NAGA: variants seen among roughly 807,000 people sequenced by gnomAD.
NAGA encodes the protein alpha-N-acetylgalactosaminidase.
NAGA carries 42 observed loss-of-function variants against 45.6 expected under a neutral mutation model. The ratio of observed to expected loss-of-function variants is 0.92; its 90% CI spans 0.72 to 1.19. The LOEUF is 1.19. Among genes scored for constraint, NAGA ranks in the 50% most tolerant of loss-of-function variants. NAGA has a pLI of 0.00. For synonymous variants in NAGA, 176 were observed against 203.1 expected (o/e 0.87, Z 1.13); for missense variants, 493 against 544.8 (o/e 0.90, Z 0.95).
At position 42,060,188 on chromosome 22, in the gene NAGA, G is replaced by A; in HGVS notation, c.*91C>T. On this transcript the variant is annotated 3_prime_UTR_variant, in exon 9 of 9. Transcript: ENST00000396398. ...GTCAGTCACCGAGCAGGCCTGGGGA[G>A]CAGAGAACCTCCCCACTTGCCCTGG... 1 of 1,546,036 alleles carries A rather than the reference G, an allele frequency of 6.5e-7. No individual in the cohort carries two copies. The highest frequency in any genetic ancestry group is 1.1e-5 in the South Asian group (1 of 89,212).
chr22:42,060,042 C>G lies in NAGA; in HGVS notation c.*237G>C. 1.8e-6 allele frequency: 1 copy of G among 545,206 alleles called. No individual in the cohort carries two copies. Among genetic ancestry groups the G allele is most frequent in the Admixed American group, 3.0e-5 (1 of 33,712 alleles). 33.8% of individuals were successfully genotyped at this position (545,206 alleles called of 1,614,324 possible). A position where few individuals can be genotyped will look rare whatever the true frequency, so the allele number is the denominator to read the frequency against. ...GCTCAGCAACGTCTGTGGGGCTGCG[C>G]ACATGGAAGTAGAGGCCAGGAAGGC... is the stretch of plus-strand genomic sequence containing the variant. On this transcript the variant is annotated 3_prime_UTR_variant, in exon 9 of 9. Coordinates refer to ENST00000396398, the MANE Select transcript of NAGA (RefSeq NM_000262.3).
chr22:42,066,910 G>A (rs1271788032), intron 4 of NAGA, 106 bp from the exon 5 acceptor site: 2 of 1,391,578 alleles, frequency 1.4e-6, no homozygotes, highest in African/African-American at 1.4e-5. Context: ...GCTCCAAACA[G>A]TAGGTGCCTC....
At chr22:42,064,226 G>T (rs1374247468) in intron 6 of NAGA, among the ~76,000 whole-genome samples, 3 of 151,686 alleles carry the variant, frequency 2.0e-5, no homozygotes, top group African/African-American at 7.3e-5. Context: ...TGTAATCCCA[G>T]CTACTTGGGA....
chr22:42,070,030 C>T (rs1304431013), intron 1 of NAGA, among the ~76,000 whole-genome samples: 3 of 152,232 alleles, frequency 2.0e-5, no homozygotes, highest in African/African-American at 7.2e-5. Context: ...ACTGTACAGG[C>T]GGTTCTCCGC....
Position 42,070,685 on chromosome 22 carries a change from C to G in NAGA, c.-388G>C, listed in dbSNP as rs1034496439. The G allele has an allele frequency of 2.9e-6, 1 of 345,078 alleles. No homozygotes were observed. The highest frequency in any genetic ancestry group is 2.1e-5 in the African/African-American group (1 of 47,544). The allele number at this position is 345,078 out of a possible 1,614,324, so 21.4% of individuals were successfully genotyped here. On this transcript the variant is annotated 5_prime_UTR_variant, in exon 1 of 9. Coordinates refer to ENST00000396398, the MANE Select transcript of NAGA (RefSeq NM_000262.3). ...GAGGGGCGGGGCTGCGGCCAGGCTC[C>G]GGACTTCCAGCCGGGTCCGGGTTCC...
At position 42,068,512 on chromosome 22, in the gene NAGA, G is replaced by C; in HGVS notation, c.79C>G (p.Pro27Ala). 1 of 1,614,178 alleles carries C rather than the reference G, an allele frequency of 6.2e-7. No homozygotes were observed. Among genetic ancestry groups the C allele is most frequent in the Non-Finnish European group, 8.5e-7 (1 of 1,180,032 alleles). ...CGTTCCCAGGCCAGCCAGCCCATGG[G>C]TGGTGTCTGCAGGAGCCCATTGTCC... ...MLDNGLLQTP[P>A]MGWLAWERFR... Residue 27 changes from proline to alanine, a missense_variant, in exon 2 of 9, where the codon CCC becomes GCC. Physicochemically the swap from Pro to Ala is conservative, Grantham distance 27. Coordinates refer to ENST00000396398, the MANE Select transcript of NAGA (RefSeq NM_000262.3).
intron 1 of NAGA, among the ~76,000 whole-genome samples, chr22:42,069,241 T>TA (rs1320378188): frequency 2.0e-5 from 3 of 151,676 alleles, no homozygotes; most frequent in East Asian, 3.9e-4. Flanking sequence ...CCCAAAATAA[T>TA]AAAAAAGAAA....
intron 3 of NAGA, 40 bp downstream of exon 3, chr22:42,067,725 C>T: frequency 6.3e-7 from 1 of 1,588,350 alleles, no homozygotes; most frequent in Non-Finnish European, 8.6e-7. Context: ...AAGGAGTGGT[C>T]TAGCCCTGAG....
At chr22:42,070,172 AAGAG>A in intron 1 of NAGA, 106 bp downstream of exon 1, 3 of 1,263,552 alleles carry the variant, frequency 2.4e-6, no homozygotes, top group Non-Finnish European at 3.5e-6. Flanking sequence ...CTCTAAGTAA[AAGAG>A]AGAGGAACCT....
At chr22:42,068,232 G>A (rs1045225034) in intron 2 of NAGA, among the ~76,000 whole-genome samples, 3 of 152,274 alleles carry the variant, frequency 2.0e-5, no homozygotes, top group South Asian at 2.1e-4. Context: ...TCCCTGCCTC[G>A]TGACCAGGTT....
At chr22:42,061,327 C>T (rs1451707231) in intron 7 of NAGA, among the ~76,000 whole-genome samples, 1 of 152,224 alleles carries the variant, frequency 6.6e-6, no homozygotes, top group Non-Finnish European at 1.5e-5. Context: ...TGCATGAGGC[C>T]CTGCCCCAGA....
At chr22:42,062,560 C>T (rs1926467606) in intron 7 of NAGA, among the ~76,000 whole-genome samples, 2 of 152,188 alleles carry the variant, frequency 1.3e-5, no homozygotes, top group African/African-American at 2.4e-5. Flanking sequence ...CTCACCCTTG[C>T]TATGTGCACT....
chr22:42,068,999 C>T (rs1926903406), intron 1 of NAGA, among the ~76,000 whole-genome samples: 1 of 152,212 alleles, frequency 6.6e-6, no homozygotes, highest in East Asian at 1.9e-4. Context: ...TGGCTCATGC[C>T]TGTAATCCCA....
rs1156598807 is a variant in NAGA, at chr22:42,065,819, G to C, written c.678C>G (p.Leu226=). The change falls in exon 6 of 9, where the codon CTC becomes CTG. Residue 226 remains leucine, a synonymous_variant. Coordinates refer to ENST00000396398, the MANE Select transcript of NAGA (RefSeq NM_000262.3). ...DDIQDSWWSV[L]SILNWFVEHQ... ...GCTCCACGAACCAATTCAGGATGGA[G>C]AGCACGCTCCACCAGGAGTCCTGGA... The C allele has an allele frequency of 6.2e-7, 1 of 1,614,174 alleles. No homozygotes were observed. Among genetic ancestry groups the C allele is most frequent in the East Asian group, 2.2e-5 (1 of 44,870 alleles).
At chr22:42,070,178 G>C in intron 1 of NAGA, 104 bp downstream of exon 1, 2 of 1,307,658 alleles carry the variant, frequency 1.5e-6, no homozygotes, top group Non-Finnish European at 2.2e-6. Flanking sequence ...GTAAAAGAGA[G>C]AGGAACCTGT....
Position 42,067,199 on chromosome 22 carries a change from A to G in NAGA, c.416T>C (p.Val139Ala), listed in dbSNP as rs1023859153. The change falls in exon 4 of 9, where the codon GTC becomes GCC. Residue 139 changes from valine (V) to alanine (A), a missense_variant. Transcript: ENST00000396398. ...GYPGTTLDKV[V>A]QDAQTFAEWK... ...CTCGGCGAAGGTCTGAGCATCCTGG[A>G]CCACCTTGTCCAGTGTGGTGCCTGG... is the stretch of plus-strand genomic sequence containing the variant. The G allele has an allele frequency of 6.2e-7, 1 of 1,614,098 alleles. No homozygotes were observed. Among genetic ancestry groups the G allele is most frequent in the Non-Finnish European group, 8.5e-7 (1 of 1,179,972 alleles).
In NAGA at chr22:42,067,870, T is replaced by C. The variant is rs1320752016; in HGVS notation, c.219A>G (p.Thr73=). 1.9e-6 allele frequency: 3 copies of C among 1,613,534 alleles called. No individual in the cohort carries two copies. Among genetic ancestry groups the C allele is most frequent in the Non-Finnish European group, 2.5e-6 (3 of 1,179,988 alleles). ...AQDGWRDMGY[T]YLNIDDCWIG... Reference sequence around the variant, plus strand: ...TCCAGCAGTCATCAATGTTGAGGTATGTGTAGCCCATGTCCCGCCATCCAT... The same window carrying C: ...TCCAGCAGTCATCAATGTTGAGGTACGTGTAGCCCATGTCCCGCCATCCAT... Residue 73 remains threonine, a synonymous_variant, in exon 3 of 9, where the codon ACA becomes ACG. Coordinates refer to ENST00000396398, the MANE Select transcript of NAGA (RefSeq NM_000262.3).
rs1926289756 is a variant in NAGA at position 42,060,339 on chromosome 22, A to G, written c.1176T>C (p.Pro392=). ...DETNFTVIIN[P]SGVVMWYLYP... ...ACAGGTACCACATCACTACCCCTGA[A>G]GGGTTGATGATCACTGTGAAGTTGG... The change falls in exon 9 of 9, where the codon CCT becomes CCC. Residue 392 remains proline, a synonymous_variant. Transcript: ENST00000396398. 1 of 1,613,520 alleles carries G rather than the reference A, an allele frequency of 6.2e-7. No individual in the cohort carries two copies. Among genetic ancestry groups the G allele is most frequent in the Non-Finnish European group, 8.5e-7 (1 of 1,179,906 alleles).
chr22:42,060,529 C>T, intron 8 of NAGA, 116 bp from the exon 9 acceptor site: 2 of 1,413,088 alleles, frequency 1.4e-6, no homozygotes, highest in Non-Finnish European at 2.0e-6. Context: ...TGCTGGGCTT[C>T]CAGTATGCCC....
Sources: allele counts gnomAD v4.1 joint callset (sites outside exome capture counted in the v4.1 genomes callset), GRCh38; gene constraint gnomAD v4.1.1; transcripts MANE v1.5; gene names NCBI Gene and HGNC (gene_info 2026-07-23, HGNC 2026-07-21).